Variants in MACF1 observed in about 807,000 individuals in gnomAD.
MACF1 encodes the protein microtubule-actin cross-linking factor 1.
In MACF1, 193 loss-of-function variants were observed where a neutral mutation model predicts 854.8. The ratio of observed to expected loss-of-function variants is 0.23; its 90% confidence interval spans 0.20 to 0.25. The LOEUF (loss-of-function observed/expected upper bound fraction) is 0.25, where lower values mean the gene tolerates loss of function less well. Ranked by LOEUF, MACF1 falls within the 10% of genes least tolerant of loss-of-function variation. MACF1 has a pLI of 1.00. For missense variants in MACF1, 7,722 were observed against 8,929.1 expected, an observed-to-expected ratio of 0.86 and a Z score of 5.45; for synonymous variants, 3,185 against 3,226.7, an observed-to-expected ratio of 0.99 and a Z score of 0.44.
Position 39,387,248 on chromosome 1 carries a change from T to C in MACF1, c.14406T>C (p.Phe4802=). The change falls in exon 58 of 101, where the codon TTT becomes TTC. Residue 4802 remains phenylalanine (F), a synonymous_variant. Coordinates refer to ENST00000564288, the MANE Select transcript of MACF1 (RefSeq NM_001394062.1). ...LASTQQFQQM[F]DELRTWLDDK... is the part of the protein sequence containing the mutation. ...GCACCCAGCAGTTCCAGCAAATGTT[T>C]GATGAGTTGAGGACCTGGTTGGATG... 6.2e-7 allele frequency: 1 copy of C among 1,614,204 alleles called. No homozygotes were observed. The highest frequency in any genetic ancestry group is 8.5e-7 in the Non-Finnish European group (1 of 1,180,042).
chr1:39,272,306 A>G (rs1175896765), intron 6 of MACF1, among the ~76,000 whole-genome samples: 3 of 152,204 alleles, frequency 2.0e-5, no homozygotes, highest in African/African-American at 7.2e-5. Flanking sequence ...TCCCCTCCCT[A>G]ACAGGCTGTT....
intron 2 of MACF1, among the ~76,000 whole-genome samples, chr1:39,176,486 C>T: frequency 6.6e-6 from 1 of 152,030 alleles, no homozygotes; most frequent in East Asian, 1.9e-4. Flanking sequence ...TCATAGCTTC[C>T]ACTCTCCTCC....
chr1:39,454,757 G>A (rs1644403778), intron 88 of MACF1, 152 bp from the exon 89 acceptor site: 2 of 647,126 alleles, frequency 3.1e-6, no homozygotes, highest in African/African-American at 1.8e-5. Flanking sequence ...CCAAGATTGT[G>A]CCACTACACT....
chr1:39,107,777 TG>T (rs1257923765), intron 2 of MACF1, among the ~76,000 whole-genome samples: 1 of 152,198 alleles, frequency 6.6e-6, no homozygotes, highest in African/African-American at 2.4e-5. Flanking sequence ...TTGATGATGG[TG>T]GGGTGTTCTA....
In MACF1 at chr1:39,331,434, C is replaced by T; in HGVS notation, c.4846C>T (p.Gln1616Ter). ...PQMYQQLREL[Q>*]DALALISRLT... ...GATGTACCAGCAGCTCCGGGAGCTA[C>T]AGGATGCCCTGGCCTTAATAAGCAG... Residue 1616 changes from glutamine to a stop codon, truncating the protein, a stop_gained, in exon 37 of 101, where the codon CAG (glutamine) becomes TAG (stop). Transcript: ENST00000564288. LOFTEE classifies it high-confidence loss of function. 6.2e-7 allele frequency: 1 copy of T among 1,614,126 alleles called. No individual in the cohort carries two copies. Among genetic ancestry groups the T allele is most frequent in the Non-Finnish European group, 8.5e-7 (1 of 1,180,028 alleles).
In MACF1 at chr1:39,302,933, T is replaced by C. The variant is rs1459514510; in HGVS notation, c.2644T>C (p.Cys882Arg). ...CDYRQIEITI[C>R]KNDECVLEDN... ...AAATTTATCTCTTCAGATTACTATT[T>C]GCAAAAATGATGAATGTGTGCTAGA... is the stretch of plus-strand genomic sequence containing the variant. The change falls in exon 23 of 101, where the codon TGC becomes CGC. Residue 882 changes from cysteine (C) to arginine (R), a missense_variant. By Grantham distance (180) the Cys-to-Arg change is radical. This residue lies in a region of MACF1 where 1,137 missense variants were observed against 1,263.0 expected (regional missense o/e 0.90). Coordinates refer to ENST00000564288, the MANE Select transcript of MACF1 (RefSeq NM_001394062.1). The C allele has an allele frequency of 1.2e-6, 2 of 1,613,684 alleles. No individual in the cohort carries two copies. The highest frequency in any genetic ancestry group is 1.7e-6 in the Non-Finnish European group (2 of 1,179,726).
intron 60 of MACF1, 73 bp from the exon 61 acceptor site, chr1:39,423,954 TG>T: frequency 7.3e-7 from 1 of 1,370,810 alleles, no homozygotes; most frequent in Admixed American, 2.3e-5. Context: ...TGGTTTCTTT[TG>T]TTTTTTTTCT....
At chr1:39,303,099 C>G in intron 23 of MACF1, 21 bp downstream of exon 23, 1 of 1,611,192 alleles carries the variant, frequency 6.2e-7, no homozygotes, top group South Asian at 1.1e-5. Flanking sequence ...TCAGCTGCCA[C>G]TGGTACACCC....
At chr1:39,322,534 A>C in intron 31 of MACF1, 74 bp from the exon 32 acceptor site, 1 of 1,290,052 alleles carries the variant, frequency 7.8e-7, no homozygotes, top group Non-Finnish European at 1.1e-6. Flanking sequence ...AGCAATAAAA[A>C]GCTATGATTT....
chr1:39,103,001 T>C (rs1185284272), intron 2 of MACF1: 5 of 700,100 alleles, frequency 7.1e-6, no homozygotes, highest in African/African-American at 1.7e-5. Context: ...TTCCCCACTT[T>C]CCATTCATTA....
chr1:39,210,408 A>G (rs1644501347), intron 1 of MACF1, among the ~76,000 whole-genome samples: 1 of 149,122 alleles, frequency 6.7e-6, no homozygotes, highest in Non-Finnish European at 1.5e-5. Context: ...AGGTTTTGCT[A>G]TGTTGCCCAT....
chr1:39,460,546 T>C lies in MACF1; in HGVS notation c.21361-86T>C, dbSNP rs534520901. The C allele has an allele frequency of 1.9e-5, 22 of 1,169,726 alleles. No individual in the cohort carries two copies. In the East Asian group the frequency reaches 4.5e-4, roughly 24 times the overall value. The allele number at this position is 1,169,726 out of a possible 1,614,324, so 72.5% of individuals were successfully genotyped here. A position where few individuals can be genotyped will look rare whatever the true frequency, so the allele number is the denominator to read the frequency against. ...ATGGCCCCTGGAAGCATGGCTTTAC[T>C]GAATGTCTGAAAGTTTGGGTATGCT... On this transcript the variant is annotated intron_variant, in intron 91 of 100. Coordinates refer to ENST00000564288, the MANE Select transcript of MACF1 (RefSeq NM_001394062.1). This position sits in a 1 kb window ranked among gnomAD's most constrained non-coding sequence, Gnocchi z 4.1.
intron 51 of MACF1, among the ~76,000 whole-genome samples, chr1:39,371,003 G>C (rs1386712256): frequency 6.6e-6 from 1 of 152,070 alleles, no homozygotes; most frequent in African/African-American, 2.4e-5. Flanking sequence ...CCATAGTTTG[G>C]GGACTGTGGC....
At chr1:39,266,528 TTA>T (rs986407733) in intron 6 of MACF1, among the ~76,000 whole-genome samples, 5 of 151,952 alleles carry the variant, frequency 3.3e-5, no homozygotes, top group Admixed American at 6.6e-5. Flanking sequence ...CAGGAGGGTC[TTA>T]GAAGGGATTG....
chr1:39,262,689 C>T (rs1453440378), intron 6 of MACF1, among the ~76,000 whole-genome samples: 2 of 152,124 alleles, frequency 1.3e-5, no homozygotes, highest in Non-Finnish European at 2.9e-5. Context: ...ACCAATTTTA[C>T]AGAAAGGTAA....
intron 2 of MACF1, among the ~76,000 whole-genome samples, chr1:39,190,693 T>G (rs1644245406): frequency 6.6e-6 from 1 of 151,978 alleles, no homozygotes; most frequent in Non-Finnish European, 1.5e-5. Context: ...TCTTGAGTAT[T>G]CTGGATTTTG....
At chr1:39,249,763 C>T (rs1031301613) in intron 2 of MACF1, 7 of 300,828 alleles carry the variant, frequency 2.3e-5, no homozygotes, top group South Asian at 5.1e-5. Flanking sequence ...CTTTCTAGGA[C>T]GTTGTTGCAT....
intron 22 of MACF1, among the ~76,000 whole-genome samples, 182 bp downstream of exon 22, chr1:39,300,544 A>G (rs924332507): frequency 6.6e-6 from 1 of 152,014 alleles, no homozygotes; most frequent in South Asian, 2.1e-4. Flanking sequence ...CAACACTATA[A>G]TCTTGACCTG....
chr1:39,398,472 C>G (rs146089018), intron 58 of MACF1, among the ~76,000 whole-genome samples: 23 of 152,120 alleles, frequency 1.5e-4, no homozygotes, highest in African/African-American at 4.3e-4. Flanking sequence ...ACTGGAAAAG[C>G]TGCTACTGGC....
Sources: allele counts gnomAD v4.1 joint callset (sites outside exome capture counted in the v4.1 genomes callset), GRCh38; gene constraint gnomAD v4.1.1; regional missense constraint gnomAD v4.1.1; non-coding constraint Gnocchi (gnomAD v3.1); transcripts MANE v1.5; gene names NCBI Gene and HGNC (gene_info 2026-07-23, HGNC 2026-07-21).